The following HERC5 variants were observed in gnomAD, a reference collection of about 807,000 sequenced individuals.
The protein encoded by HERC5 is E3 ISG15--protein ligase HERC5.
HERC5 carries 99 observed loss-of-function variants against 119.6 expected under a neutral mutation model. The observed-to-expected ratio is 0.83, with a 90% CI of 0.70 to 0.98. The LOEUF is 0.98. HERC5 is among the 50% of genes least tolerant of loss of function. The pLI, the probability that HERC5 is intolerant of heterozygous loss-of-function variation, is 0.00. For missense variants in HERC5, 1,267 were observed against 1,241.3 expected, an observed-to-expected ratio of 1.02 and a Z score of -0.31; for synonymous variants, 478 against 445.9, an observed-to-expected ratio of 1.07 and a Z score of -0.91.
At chr4:88,480,997 A>G (rs1254282015) in intron 13 of HERC5, among the ~76,000 whole-genome samples, 1 of 152,090 alleles carries the variant, frequency 6.6e-6, no homozygotes, top group Non-Finnish European at 1.5e-5. Flanking sequence ...TTGTAGATAA[A>G]TTTGTCAATC....
chr4:88,504,687 A>G (rs1428734857), intron 22 of HERC5, 90 bp downstream of exon 22: 1 of 659,416 alleles, frequency 1.5e-6, no homozygotes, highest in African/African-American at 1.9e-5. Context: ...TTTGCAACAG[A>G]TCATAGTGTC....
At chr4:88,464,194 A>G (rs1267148881) in intron 6 of HERC5, among the ~76,000 whole-genome samples, 1 of 137,978 alleles carries the variant, frequency 7.2e-6, no homozygotes, top group African/African-American at 2.7e-5. Context: ...TTTTTTTTAA[A>G]TGAGCAGATA....
rs1232267827 is a variant in HERC5 at position 88,457,177 on chromosome 4, T to G, written c.-93T>G. ...AGCTGCGCGCAGCTGGTTCCCGCTC[T>G]GCAGCGCAACGCCTGAGGCAGTGGG... On this transcript the variant is annotated 5_prime_UTR_variant, in exon 1 of 23. Coordinates refer to ENST00000264350, the MANE Select transcript of HERC5 (RefSeq NM_016323.4). The G allele has an allele frequency of 8.1e-7, 1 of 1,237,586 alleles. No homozygotes were observed. The highest frequency in any genetic ancestry group is 1.6e-5 in the African/African-American group (1 of 64,474). The allele number at this position is 1,237,586 out of a possible 1,614,324, so 76.7% of individuals were successfully genotyped here.
rs546152903 is a variant in HERC5, at chr4:88,494,417, A to G, written c.2444+86A>G. 1.1e-4 allele frequency: 118 copies of G among 1,077,488 alleles called. No homozygotes were observed. The African/African-American group carries it at 1.9e-3, about 17-fold the overall frequency. 66.7% of individuals were successfully genotyped at this position (1,077,488 alleles called of 1,614,324 possible). A position where few individuals can be genotyped will look rare whatever the true frequency, so the allele number is the denominator to read the frequency against. ...AGTACACACGCTTCATAATATTTCC[A>G]TGTTCAACAGCAGCATTTTAGGTAC... is the stretch of plus-strand genomic sequence containing the variant. On this transcript the variant is annotated intron_variant, in intron 18 of 22. Coordinates refer to ENST00000264350, the MANE Select transcript of HERC5 (RefSeq NM_016323.4).
chr4:88,501,567 G>C (rs984135212), intron 20 of HERC5, among the ~76,000 whole-genome samples: 1 of 152,160 alleles, frequency 6.6e-6, no homozygotes, highest in African/African-American at 2.4e-5. Flanking sequence ...AGATCTCTAG[G>C]AAGCGTGCTG....
In HERC5 at chr4:88,457,382, G is replaced by A. The variant is rs1273812602; in HGVS notation, c.113G>A (p.Ser38Asn). Residue 38 changes from serine to asparagine, a missense_variant, in exon 1 of 23, where the codon AGC becomes AAC. Physicochemically the swap from Ser to Asn is conservative, Grantham distance 46. Around this residue, in one of 3 missense-constraint regions of HERC5, gnomAD observed 777 missense variants for 758.0 expected, o/e 1.03. Transcript: ENST00000264350. Reference protein sequence around the residue: ...SPGAQLWLFPSAAGLHRALLR... With the variant: ...SPGAQLWLFPNAAGLHRALLR... Reference sequence around the variant, plus strand: ...GGCGCACAGCTCTGGCTCTTTCCCAGCGCCGCGGGCCTCCACCGCGCGCTG... The same window carrying A: ...GGCGCACAGCTCTGGCTCTTTCCCAACGCCGCGGGCCTCCACCGCGCGCTG... The A allele has an allele frequency of 7.1e-6, 10 of 1,413,582 alleles. No individual in the cohort carries two copies. In the East Asian group the frequency reaches 3.0e-4, roughly 42 times the overall value. The allele number at this position is 1,413,582 out of a possible 1,614,324, so 87.6% of individuals were successfully genotyped here. A position where few individuals can be genotyped will look rare whatever the true frequency, so the allele number is the denominator to read the frequency against.
chr4:88,496,855 G>C (rs1037028230), intron 18 of HERC5, among the ~76,000 whole-genome samples: 4 of 152,202 alleles, frequency 2.6e-5, no homozygotes, highest in African/African-American at 9.6e-5. Context: ...GTCAGGGTCT[G>C]AATGTGTCCC....
intron 12 of HERC5, among the ~76,000 whole-genome samples, chr4:88,477,560 GGGAA>G: frequency 9.0e-6 from 1 of 111,258 alleles, no homozygotes; most frequent in African/African-American, 3.4e-5. Context: ...GGAGGGGAAG[GGGAA>G]GGGAGGGGAG....
At chr4:88,459,724 C>T (rs1740347595) in intron 2 of HERC5, among the ~76,000 whole-genome samples, 1 of 152,084 alleles carries the variant, frequency 6.6e-6, no homozygotes, top group Non-Finnish European at 1.5e-5. Context: ...TCATTTGATC[C>T]TCACAATAAT....
intron 2 of HERC5, 131 bp from the exon 3 acceptor site, chr4:88,459,964 C>T (rs1240799742): frequency 5.5e-6 from 3 of 543,294 alleles, no homozygotes; most frequent in Admixed American, 3.8e-5. Context: ...TTTAGATGTA[C>T]TGAATGTGAT....
intron 12 of HERC5, among the ~76,000 whole-genome samples, chr4:88,476,998 A>G (rs1320776899): frequency 6.6e-6 from 1 of 150,420 alleles, no homozygotes; most frequent in Non-Finnish European, 1.5e-5. Context: ...ATTTTATAAT[A>G]TTATCCAATA....
chr4:88,504,656 T>C, intron 22 of HERC5, 59 bp downstream of exon 22: 1 of 1,089,604 alleles, frequency 9.2e-7, no homozygotes, highest in Non-Finnish European at 1.3e-6. Flanking sequence ...GGGATAAAAA[T>C]TTCCTTTATG....
intron 18 of HERC5, among the ~76,000 whole-genome samples, chr4:88,499,464 GT>G (rs1741888349): frequency 6.6e-6 from 1 of 152,184 alleles, no homozygotes; most frequent in South Asian, 2.1e-4. Context: ...AATTTCAGGT[GT>G]TTCTTAAGCT....
Position 88,463,768 on chromosome 4 carries a change from T to A in HERC5, c.781-87T>A, listed in dbSNP as rs147217025. On this transcript the variant is annotated intron_variant, in intron 5 of 22. Coordinates refer to ENST00000264350, the MANE Select transcript of HERC5 (RefSeq NM_016323.4). ...TTTAGGAGCTTTACTTTGACAGTGCTATTTATTAGTGATTCACTTTGCATC... is the reference window on the plus strand; with the variant it reads ...TTTAGGAGCTTTACTTTGACAGTGCAATTTATTAGTGATTCACTTTGCATC... 5.0e-5 allele frequency: 74 copies of A among 1,477,808 alleles called. No homozygotes were observed. In the East Asian group the frequency reaches 1.7e-3, roughly 33 times the overall value. The allele number at this position is 1,477,808 out of a possible 1,614,324, so 91.5% of individuals were successfully genotyped here.
rs558596122 is a variant in HERC5, at chr4:88,463,764, G to C, written c.781-91G>C. On this transcript the variant is annotated intron_variant, in intron 5 of 22. Transcript: ENST00000264350. ...GATATTTAGGAGCTTTACTTTGACA[G>C]TGCTATTTATTAGTGATTCACTTTG... is the stretch of plus-strand genomic sequence containing the variant. 6.9e-5 allele frequency: 101 copies of C among 1,465,716 alleles called. No homozygotes were observed. The East Asian group carries it at 2.2e-3, about 32-fold the overall frequency. 90.8% of individuals were successfully genotyped at this position (1,465,716 alleles called of 1,614,324 possible). A position where few individuals can be genotyped will look rare whatever the true frequency, so the allele number is the denominator to read the frequency against.
Position 88,489,319 on chromosome 4 carries a change from C to T in HERC5, c.2116C>T (p.Leu706=). Residue 706 remains leucine, a synonymous_variant, in exon 16 of 23, where the codon CTG becomes TTG. Coordinates refer to ENST00000264350, the MANE Select transcript of HERC5 (RefSeq NM_016323.4). The part of the protein sequence containing the change: ...NQLSQFENED[L]RKELWVSFSG... ...GCTAAGTCAATTTGAGAATGAAGAC[C>T]TGAGGAAAGAGTTATGGGTAAGGTG... 1 of 1,612,096 alleles carries T rather than the reference C, an allele frequency of 6.2e-7. No individual in the cohort carries two copies. The highest frequency in any genetic ancestry group is 8.5e-7 in the Non-Finnish European group (1 of 1,179,304).
chr4:88,496,138 C>T (rs1382683591), intron 18 of HERC5, among the ~76,000 whole-genome samples: 1 of 152,184 alleles, frequency 6.6e-6, no homozygotes, highest in Non-Finnish European at 1.5e-5. Context: ...CAAATAACAT[C>T]TTAATAATGT....
chr4:88,457,681 C>G (rs1214944459), intron 1 of HERC5, 147 bp downstream of exon 1: 2 of 937,744 alleles, frequency 2.1e-6, no homozygotes, highest in Non-Finnish European at 2.8e-6. Flanking sequence ...GTTTCGCCGA[C>G]GGCGCACCTG....
intron 6 of HERC5, among the ~76,000 whole-genome samples, chr4:88,464,280 G>A (rs1381935682): frequency 1.4e-5 from 2 of 145,180 alleles, no homozygotes; most frequent in Non-Finnish European, 3.0e-5. Context: ...AAAAAAACAA[G>A]TCATTAATTG....
Sources: allele counts gnomAD v4.1 joint callset (sites outside exome capture counted in the v4.1 genomes callset), GRCh38; gene constraint gnomAD v4.1.1; regional missense constraint gnomAD v4.1.1; transcripts MANE v1.5; gene names NCBI Gene and HGNC (gene_info 2026-07-23, HGNC 2026-07-21).